Variants in KIF13A observed in about 807,000 individuals in gnomAD.
KIF13A encodes the protein kinesin-like protein KIF13A.
A neutral mutation model predicts 212.2 loss-of-function variants in KIF13A; 79 were observed. The ratio of observed to expected loss-of-function variants is 0.37; its 90% CI spans 0.31 to 0.45. The LOEUF is 0.45. Among genes scored for constraint, KIF13A ranks in the 20% least tolerant of loss-of-function variants. The pLI is 1.00. For synonymous variants in KIF13A, 789 were observed against 808.6 expected (o/e 0.98, Z 0.41); for missense variants, 1,901 against 2,209.0 (o/e 0.86, Z 2.79).
Position 17,780,692 on chromosome 6 carries a change from C to T in KIF13A, c.3846+38G>A, listed in dbSNP as rs377526635. On this transcript the variant is annotated intron_variant, in intron 31 of 38. Transcript: ENST00000259711. ...TAGAGAGAGGGAAAAATCTTTTGAG[C>T]TCAGAGCCAGAATGGCACAATCAGG... 9.1e-5 allele frequency: 145 copies of T among 1,591,248 alleles called. No homozygotes were observed. In the African/African-American group the frequency reaches 1.8e-3, roughly 20 times the overall value.
intron 22 of KIF13A, among the ~76,000 whole-genome samples, chr6:17,798,918 A>C (rs1329234230): frequency 6.6e-6 from 1 of 152,214 alleles, no homozygotes; most frequent in African/African-American, 2.4e-5. Context: ...CCACTTTTGC[A>C]TAGCATTTTT....
rs374939708 is a variant in KIF13A, at chr6:17,817,109, G to A, written c.1911C>T (p.Pro637=). The A allele has an allele frequency of 3.7e-5, 60 of 1,613,820 alleles. No individual in the cohort carries two copies. The highest frequency in any genetic ancestry group is 1.0e-4 in the Admixed American group (6 of 60,002). Reference sequence around the variant, plus strand: ...GGCCGCTACTCTGTGGCTGCCTGTCGGGGGAGAGCTGCTGGCGGAGTTGCT... The same window carrying A: ...GGCCGCTACTCTGTGGCTGCCTGTCAGGGGAGAGCTGCTGGCGGAGTTGCT... ...ELEQLRQQLS[P]DRQPQSSGPD... Residue 637 remains proline, a synonymous_variant, in exon 17 of 39, where the codon CCC becomes CCT. Coordinates refer to ENST00000259711, the MANE Select transcript of KIF13A (RefSeq NM_022113.6).
chr6:17,863,051 C>T (rs1043536303), intron 4 of KIF13A, among the ~76,000 whole-genome samples: 1 of 152,180 alleles, frequency 6.6e-6, no homozygotes, highest in African/African-American at 2.4e-5. Flanking sequence ...GAGCCACGAT[C>T]GTGCCACTGC....
intron 2 of KIF13A, among the ~76,000 whole-genome samples, chr6:17,975,727 C>T (rs1780363962): frequency 6.6e-6 from 1 of 152,020 alleles, no homozygotes; most frequent in Non-Finnish European, 1.5e-5. Context: ...CACAAAGGTT[C>T]TCCACGTCCT....
chr6:17,953,226 A>G (rs893749637), intron 2 of KIF13A, among the ~76,000 whole-genome samples: 1 of 152,206 alleles, frequency 6.6e-6, no homozygotes, highest in African/African-American at 2.4e-5. Flanking sequence ...AAAGCAGGTT[A>G]GAGAACAGTT....
Position 17,841,079 on chromosome 6 carries a change from C to CTT in KIF13A, c.831-3498_831-3497dup, listed in dbSNP as rs760337717. Among the ~76,000 whole-genome samples the CTT allele has an allele frequency of 9.0e-3, 1,234 of 137,474 alleles. 5 individuals are homozygous for CTT. The highest frequency in any genetic ancestry group is 0.015 in the Non-Finnish European group (947 of 63,500). The allele number at this position is 137,474 out of a possible 152,430, so 90.2% of individuals were successfully genotyped here. On this transcript the variant is annotated intron_variant, in intron 9 of 38. Coordinates refer to ENST00000259711, the MANE Select transcript of KIF13A (RefSeq NM_022113.6). Reference sequence around the variant, plus strand: ...ATCCAGAAGCCCAAAACCCCTTTTCCTTTTTTTTTTTTTTTTCCAAAGACA... The same window carrying CTT: ...ATCCAGAAGCCCAAAACCCCTTTTCCTTTTTTTTTTTTTTTTTTCCAAAGACA...
intron 2 of KIF13A, among the ~76,000 whole-genome samples, chr6:17,937,505 T>C (rs1776570669): frequency 6.6e-6 from 1 of 152,236 alleles, no homozygotes; most frequent in Non-Finnish European, 1.5e-5. Context: ...TTGTGTCGTC[T>C]GGAAAAAGTT....
intron 23 of KIF13A, among the ~76,000 whole-genome samples, chr6:17,796,320 T>A (rs1762027655): frequency 8.7e-6 from 1 of 115,316 alleles, no homozygotes; most frequent in Non-Finnish European, 1.8e-5. Flanking sequence ...ATAAATAATT[T>A]ATTTTTTTAT....
At chr6:17,803,018 C>T (rs915921980) in intron 20 of KIF13A, among the ~76,000 whole-genome samples, 7 of 151,266 alleles carry the variant, frequency 4.6e-5, no homozygotes, top group African/African-American at 2.4e-5. Context: ...ACTGCAACCT[C>T]CACCTCCCGG....
chr6:17,980,189 C>T (rs1780936461), intron 2 of KIF13A, among the ~76,000 whole-genome samples: 1 of 152,122 alleles, frequency 6.6e-6, no homozygotes, highest in African/African-American at 2.4e-5. Context: ...AATAACTTCT[C>T]AACAGAAGCA....
At chr6:17,935,008 A>T (rs537696156) in intron 2 of KIF13A, among the ~76,000 whole-genome samples, 1 of 152,210 alleles carries the variant, frequency 6.6e-6, no homozygotes, top group Non-Finnish European at 1.5e-5. Context: ...GCTTCCCACC[A>T]CGCTAAGGGC....
intron 3 of KIF13A, among the ~76,000 whole-genome samples, chr6:17,884,706 A>G (rs1771386092): frequency 6.6e-6 from 1 of 152,204 alleles, no homozygotes; most frequent in Non-Finnish European, 1.5e-5. Flanking sequence ...TTTGCTTTGT[A>G]TGAAGGAGTG....
At chr6:17,964,852 C>T (rs543406836) in intron 2 of KIF13A, among the ~76,000 whole-genome samples, 7 of 152,192 alleles carry the variant, frequency 4.6e-5, no homozygotes, top group African/African-American at 1.7e-4. Flanking sequence ...GAGACTGAGT[C>T]TCGCTCTGTC....
At chr6:17,953,392 A>G (rs1581837997) in intron 2 of KIF13A, among the ~76,000 whole-genome samples, 1 of 152,250 alleles carries the variant, frequency 6.6e-6, no homozygotes, top group East Asian at 1.9e-4. Context: ...GAGATTTTTT[A>G]TTATTTCTCC....
chr6:17,837,125 C>T lies in KIF13A; in HGVS notation c.943-35G>A. 1 of 1,568,378 alleles carries T rather than the reference C, an allele frequency of 6.4e-7. No individual in the cohort carries two copies. The highest frequency in any genetic ancestry group is 1.1e-5 in the South Asian group (1 of 90,018). On this transcript the variant is annotated intron_variant, in intron 10 of 38. Transcript: ENST00000259711. The surrounding 1 kb of genome is among the most constrained non-coding windows in gnomAD (Gnocchi z 5.4). ...ATTTCAAACAGCATCTTAGGAAGCC[C>T]ATTCCATGGACAACACATATGATAA...
chr6:17,793,274 G>A (rs563152043), intron 25 of KIF13A, among the ~76,000 whole-genome samples: 10 of 151,998 alleles, frequency 6.6e-5, no homozygotes, highest in East Asian at 3.9e-4. Flanking sequence ...TAGAGACGGC[G>A]TTTTGCCATG....
In KIF13A at chr6:17,816,300, C is replaced by T. The variant is rs918947357; in HGVS notation, c.2000+720G>A. Among the ~76,000 whole-genome samples the T allele has an allele frequency of 3.3e-5, 5 of 150,860 alleles. No homozygotes were observed. The highest frequency in any genetic ancestry group is 9.8e-5 in the African/African-American group (4 of 40,950). On this transcript the variant is annotated intron_variant, in intron 17 of 38. Coordinates refer to ENST00000259711, the MANE Select transcript of KIF13A (RefSeq NM_022113.6). The surrounding 1 kb of genome is among the most constrained non-coding windows in gnomAD (Gnocchi z 4.3). ...CTCACTAAAGCCTTGATCTCTGGGG[C>T]TCAAGTGACCCTCCCTCCTAAGCCT...
rs757391141 is a variant in KIF13A at position 17,791,369 on chromosome 6, C to CT, written c.3223-1460dup. Among the ~76,000 whole-genome samples the CT allele has an allele frequency of 6.9e-3, 933 of 135,660 alleles. 10 individuals are homozygous for CT. The highest frequency in any genetic ancestry group is 0.019 in the African/African-American group (716 of 37,190). 89.0% of individuals were successfully genotyped at this position (135,660 alleles called of 152,430 possible). A position where few individuals can be genotyped will look rare whatever the true frequency, so the allele number is the denominator to read the frequency against. On this transcript the variant is annotated intron_variant, in intron 25 of 38. Coordinates refer to ENST00000259711, the MANE Select transcript of KIF13A (RefSeq NM_022113.6). ...TTTCAGCTACTGCATGAGAATAATTCTTTTTTTTTTTTTTGCATCAGAATA... is the reference window on the plus strand; with the variant it reads ...TTTCAGCTACTGCATGAGAATAATTCTTTTTTTTTTTTTTTGCATCAGAATA...
In KIF13A at chr6:17,987,122, G is replaced by A; in HGVS notation, c.78C>T (p.Cys26=). 6.2e-7 allele frequency: 1 copy of A among 1,613,162 alleles called. No individual in the cohort carries two copies. Among genetic ancestry groups the A allele is most frequent in the Middle Eastern group, 1.6e-4 (1 of 6,062 alleles). Residue 26 remains cysteine (C), a synonymous_variant, in exon 2 of 39, where the codon TGC becomes TGT. Transcript: ENST00000259711. The surrounding 1 kb of genome is among the most constrained non-coding windows in gnomAD (Gnocchi z 7.7). ...TTTGATTCCCTTCCATCTCCACCAC[G>A]CACTTGGTGTTCAGTTCCAGTTCTG... ...NRRELELNTK[C]VVEMEGNQTV...
Sources: allele counts gnomAD v4.1 joint callset (sites outside exome capture counted in the v4.1 genomes callset), GRCh38; gene constraint gnomAD v4.1.1; non-coding constraint Gnocchi (gnomAD v3.1); transcripts MANE v1.5; gene names NCBI Gene and HGNC (gene_info 2026-07-23, HGNC 2026-07-21).